Variants in TTC6 observed in about 807,000 individuals in gnomAD.
The protein encoded by TTC6 is tetratricopeptide repeat protein 6.
A neutral mutation model predicts 210.4 loss-of-function variants in TTC6; 172 were observed. The ratio of observed to expected loss-of-function variants is 0.82; its 90% confidence interval spans 0.72 to 0.93. TTC6 has a LOEUF of 0.93. Ranked by LOEUF, TTC6 falls within the 40% of genes least tolerant of loss-of-function variation. TTC6 has a pLI of 0.00. For missense variants in TTC6, 2,414 were observed against 2,318.1 expected, an observed-to-expected ratio of 1.04 and a Z score of -0.85; for synonymous variants, 804 against 819.6, an observed-to-expected ratio of 0.98 and a Z score of 0.32.
chr14:37,827,139 G>A, intron 28 of TTC6, 57 bp from the exon 31 acceptor site: 2 of 1,380,972 alleles, frequency 1.4e-6, no homozygotes, highest in Non-Finnish European at 2.0e-6. Flanking sequence ...TGGCAGACAT[G>A]ACATCAGAGG....
intron 2 of TTC6, among the ~76,000 whole-genome samples, chr14:37,681,359 A>C (rs938738074): frequency 6.6e-6 from 1 of 152,194 alleles, no homozygotes; most frequent in Non-Finnish European, 1.5e-5. Flanking sequence ...ATTCATATAA[A>C]GTATAAGGAA....
chr14:37,769,867 C>G (rs1414001293), intron 14 of TTC6, among the ~76,000 whole-genome samples: 1 of 151,908 alleles, frequency 6.6e-6, no homozygotes, highest in African/African-American at 2.4e-5. Context: ...TTTGCTCTTG[C>G]TTTTCTAGTT....
At chr14:37,775,547 T>A (rs535567061) in intron 14 of TTC6, among the ~76,000 whole-genome samples, 13 of 152,290 alleles carry the variant, frequency 8.5e-5, no homozygotes, top group African/African-American at 3.1e-4. Flanking sequence ...TTTGAGCAAT[T>A]TTCTTAGTAT....
At position 37,614,098 on chromosome 14, in the gene TTC6, C is replaced by A. The variant is rs1391025746; in HGVS notation, c.-155+7356C>A. 2.0e-5 allele frequency among the ~76,000 whole-genome samples: 3 copies of A among 151,952 alleles called. No individual in the cohort carries two copies. In the South Asian group the frequency reaches 6.2e-4, roughly 32 times the overall value. On this transcript the variant is annotated intron_variant, in intron 2 of 2. Transcript: ENST00000556845. The stretch of plus-strand genomic sequence containing the variant: ...ATTTCATCATTTAGGGTATAAGTTT[C>A]CTTCTAAACACTGCTTCAGCTACAC...
chr14:37,704,295 T>G (rs971433851), intron 5 of TTC6, among the ~76,000 whole-genome samples: 1 of 152,054 alleles, frequency 6.6e-6, no homozygotes, highest in African/African-American at 2.4e-5. Context: ...CCTTAAGTGA[T>G]CCTCCTGCAC....
chr14:37,815,343 C>T (rs929459119), intron 25 of TTC6, among the ~76,000 whole-genome samples: 3 of 152,068 alleles, frequency 2.0e-5, no homozygotes, highest in African/African-American at 7.2e-5. Flanking sequence ...GGGATTCAGG[C>T]GTCAGGGTGG....
intron 21 of TTC6, among the ~76,000 whole-genome samples, chr14:37,805,826 G>A (rs868515508): frequency 3.9e-5 from 6 of 151,956 alleles, no homozygotes; most frequent in South Asian, 4.1e-4. Flanking sequence ...TCAGCCTCCC[G>A]AGTAGCTGGG....
chr14:37,815,349 G>C (rs2096138966), intron 25 of TTC6, among the ~76,000 whole-genome samples: 2 of 152,114 alleles, frequency 1.3e-5, no homozygotes. Flanking sequence ...CAGGCGTCAG[G>C]GTGGCGGGGT....
chr14:37,677,685 AAT>A (rs1249144956), intron 1 of TTC6, among the ~76,000 whole-genome samples: 1 of 151,754 alleles, frequency 6.6e-6, no homozygotes. Context: ...ACCCCAATTA[AAT>A]ATATGTTAGA....
At position 37,686,528 on chromosome 14, in the gene TTC6, A is replaced by G. The variant is rs144575605; in HGVS notation, c.1257+3564A>G. Among the ~76,000 whole-genome samples, 543 of 152,318 alleles carry G rather than the reference A, an allele frequency of 3.6e-3. 4 individuals carry two copies. Among genetic ancestry groups the G allele is most frequent in the African/African-American group, 0.013 (522 of 41,568 alleles). The stretch of plus-strand genomic sequence containing the variant: ...TAAATTTCCTAATGGTTTAGATGAT[A>G]TATTAGTCTGTTTTCATGCTGCTGA... On this transcript the variant is annotated intron_variant, in intron 3 of 30. Transcript: ENST00000553443.
At chr14:37,607,059 T>C (rs1388731116) in intron 2 of TTC6, among the ~76,000 whole-genome samples, 1 of 152,262 alleles carries the variant, frequency 6.6e-6, no homozygotes, top group Admixed American at 6.5e-5. Context: ...CTTGCATATC[T>C]ACCTTTAGAA....
chr14:37,749,752 G>T, exon 12 of TTC6: 1 of 1,458,546 alleles, frequency 6.9e-7, no homozygotes, highest in Non-Finnish European at 9.0e-7. Context: ...ATGCCTATTG[G>T]CATCGACATT....
chr14:37,842,398 T>C (rs1478215717), exon 31 of TTC6: 4 of 1,033,050 alleles, frequency 3.9e-6, no homozygotes, highest in Non-Finnish European at 5.2e-6. Context: ...GTATTCGTTA[T>C]GCTTAGTCTT....
At chr14:37,627,996 G>A (rs2095663226) in intron 1 of TTC6, among the ~76,000 whole-genome samples, 1 of 152,116 alleles carries the variant, frequency 6.6e-6, no homozygotes. Flanking sequence ...TTGAGATGGA[G>A]TTTCGCTCTT....
rs1482960617 is a variant in TTC6 at position 37,804,826 on chromosome 14, A to G, written c.4164+12A>G. The G allele has an allele frequency of 6.2e-6, 10 of 1,610,318 alleles. No individual in the cohort carries two copies. The African/African-American group carries it at 1.1e-4, about 17-fold the overall frequency. ...GCAATTTACAAATGGTATTTCGTGT[A>G]TTTAGGAGTATAGATTATTTGTGAT... On this transcript the variant is annotated intron_variant, in intron 21 of 30. Coordinates refer to ENST00000553443, the Ensembl canonical transcript of TTC6.
At chr14:37,712,803 TG>T (rs1205433873) in intron 5 of TTC6, among the ~76,000 whole-genome samples, 2 of 152,140 alleles carry the variant, frequency 1.3e-5, no homozygotes, top group Admixed American at 6.6e-5. Context: ...ATGGGCATTA[TG>T]GGAACTACAA....
chr14:37,750,175 C>T (rs2095947520), intron 12 of TTC6, among the ~76,000 whole-genome samples: 1 of 152,152 alleles, frequency 6.6e-6, no homozygotes, highest in Non-Finnish European at 1.5e-5. Flanking sequence ...GATTTGATCA[C>T]ATCTCTCTGA....
intron 26 of TTC6, among the ~76,000 whole-genome samples, chr14:37,818,859 G>C (rs1410986924): frequency 1.3e-5 from 2 of 152,132 alleles, no homozygotes; most frequent in East Asian, 3.8e-4. Context: ...GATGACTGAT[G>C]TATTTGTTTT....
At chr14:37,841,774 A>G (rs977142569) in intron 30 of TTC6, 104 bp downstream of exon 32, 47 of 930,480 alleles carry the variant, frequency 5.1e-5, no homozygotes, top group Middle Eastern at 2.7e-4. Context: ...AGATAAACTT[A>G]CATAAGAATT....
Sources: allele counts gnomAD v4.1 joint callset (sites outside exome capture counted in the v4.1 genomes callset), GRCh38; gene constraint gnomAD v4.1.1; transcripts MANE v1.5; gene names NCBI Gene and HGNC (gene_info 2026-07-23, HGNC 2026-07-21).